The following LRTM3 variants were observed in gnomAD, a reference collection of about 807,000 sequenced individuals.
LRTM3 encodes leucine-rich repeat transmembrane protein 3.
At chr13:102,746,739 C>A in the LRTM3 span, 1 of 1,550,960 alleles carries the variant, frequency 6.4e-7, no homozygotes, top group Non-Finnish European at 8.7e-7. Flanking sequence ...TCTGTCTTTT[C>A]TTCTGCAAAA....
chr13:102,744,522 T>C, the LRTM3 span: 2 of 1,550,690 alleles, frequency 1.3e-6, no homozygotes, highest in East Asian at 2.4e-5. Flanking sequence ...TGTTTCATCA[T>C]GTATCCAGAA....
At chr13:102,755,936 T>TAG in the LRTM3 span, among the ~76,000 whole-genome samples, 1 of 34,242 alleles carries the variant, frequency 2.9e-5, no homozygotes, top group South Asian at 1.5e-3. Flanking sequence ...TGTGTGTATA[T>TAG]ATATACATAT....
the LRTM3 span, chr13:102,749,912 T>C: frequency 2.8e-5 from 44 of 1,551,258 alleles, no homozygotes; most frequent in Non-Finnish European, 3.7e-5. Flanking sequence ...TAACTTAGTT[T>C]TGGGTTTTGA....
At chr13:102,750,747 A>G in the LRTM3 span, among the ~76,000 whole-genome samples, 3 of 152,194 alleles carry the variant, frequency 2.0e-5, no homozygotes, top group African/African-American at 7.2e-5. Context: ...AAACATTCTT[A>G]TGGAAATGTA....
the LRTM3 span, chr13:102,748,366 C>T: frequency 1.3e-6 from 2 of 1,550,980 alleles, no homozygotes; most frequent in East Asian, 2.4e-5. Flanking sequence ...TGCTTTTATG[C>T]ATTTTGCTTC....
the LRTM3 span, chr13:102,739,497 T>A: frequency 6.5e-7 from 1 of 1,550,360 alleles, no homozygotes; most frequent in Middle Eastern, 1.7e-4. Context: ...TTTGAATTAC[T>A]ATGTGATAGA....
At chr13:102,747,516 G>T in the LRTM3 span, 6 of 1,550,634 alleles carry the variant, frequency 3.9e-6, no homozygotes, top group Non-Finnish European at 4.4e-6. Flanking sequence ...GTAAGCAAGT[G>T]GTTATTGAAA....
chr13:102,757,507 C>A, the LRTM3 span, among the ~76,000 whole-genome samples: 2 of 152,200 alleles, frequency 1.3e-5, no homozygotes, highest in Non-Finnish European at 1.5e-5. Flanking sequence ...TACCTCTTCA[C>A]ATTCATCTTC....
At chr13:102,733,398 A>G in the LRTM3 span, 1 of 1,551,326 alleles carries the variant, frequency 6.4e-7, no homozygotes, top group South Asian at 1.2e-5. Context: ...ACTTTCGATG[A>G]AGTTTCTTGC....
the LRTM3 span, among the ~76,000 whole-genome samples, chr13:102,755,901 A>G: frequency 0.014 from 1,410 of 98,834 alleles, 19 homozygotes; most frequent in African/African-American, 0.031. Context: ...ACACATATAT[A>G]TGTGTGTGTG....
the LRTM3 span, chr13:102,730,013 C>T: frequency 6.4e-7 from 1 of 1,551,664 alleles, no homozygotes; most frequent in Non-Finnish European, 8.7e-7. Context: ...GAATGATACA[C>T]TAGATGACCT....
At chr13:102,751,491 C>T in the LRTM3 span, among the ~76,000 whole-genome samples, 13 of 151,892 alleles carry the variant, frequency 8.6e-5, no homozygotes, top group Non-Finnish European at 1.2e-4. Flanking sequence ...TGGAATCTGA[C>T]GTTTTGAAGG....
At chr13:102,735,346 T>C in the LRTM3 span, 1 of 1,551,320 alleles carries the variant, frequency 6.4e-7, no homozygotes, top group Non-Finnish European at 8.7e-7. Context: ...CTTCTGGACA[T>C]GCTATTCTCC....
At chr13:102,749,065 A>T in the LRTM3 span, 10 of 1,550,460 alleles carry the variant, frequency 6.4e-6, no homozygotes, top group South Asian at 1.2e-4. Context: ...TGGAAACAGA[A>T]ATAAGATGCA....
the LRTM3 span, chr13:102,733,564 C>G: frequency 1.9e-6 from 3 of 1,551,170 alleles, no homozygotes; most frequent in Non-Finnish European, 2.6e-6. Context: ...TGTCTTCTTC[C>G]AGACCTCCCA....
the LRTM3 span, chr13:102,748,695 T>C: frequency 5.8e-6 from 9 of 1,549,954 alleles, no homozygotes; most frequent in African/African-American, 1.4e-5. Context: ...TGAAATTCTG[T>C]AATACCAATT....
At chr13:102,742,686 AT>A in the LRTM3 span, 3 of 1,550,670 alleles carry the variant, frequency 1.9e-6, no homozygotes, top group Non-Finnish European at 2.6e-6. Context: ...GAAACTGCTG[AT>A]TGCTTTGCCT....
At chr13:102,731,697 T>C in the LRTM3 span, 2 of 1,551,444 alleles carry the variant, frequency 1.3e-6, no homozygotes, top group Non-Finnish European at 1.7e-6. Context: ...GCATTTGTAC[T>C]GTCTGCAACT....
chr13:102,737,764 T>A, the LRTM3 span: 1 of 1,551,092 alleles, frequency 6.4e-7, no homozygotes, highest in Non-Finnish European at 8.7e-7. Context: ...CTTTTTTCCC[T>A]GTCTCTGATG....
Sources: gnomAD v4.1 joint callset for allele counts (sites outside exome capture counted in the v4.1 genomes callset) on GRCh38, gnomAD v4.1.1 for gene constraint, MANE v1.5 for transcripts, NCBI Gene and HGNC (gene_info 2026-07-23, HGNC 2026-07-21) for gene names.